TEAD1: variants seen among roughly 807,000 people sequenced by gnomAD.
TEAD1 encodes the protein transcriptional enhancer factor TEF-1.
Under a neutral mutation model 54.9 loss-of-function variants are expected in TEAD1, and 9 were observed. The observed-to-expected ratio is 0.16, with a 90% confidence interval of 0.10 to 0.29. The LOEUF is 0.29. Among genes scored for constraint, TEAD1 ranks in the 10% least tolerant of loss-of-function variants. TEAD1 has a pLI of 1.00. For missense variants in TEAD1, 387 were observed against 535.9 expected (o/e 0.72, Z 2.74); for synonymous variants, 200 against 187.8 (o/e 1.07, Z -0.53).
At position 12,939,722 on chromosome 11, in the gene TEAD1, C is replaced by A. The variant is rs1949142638; in HGVS notation, c.*2500C>A. The A allele has an allele frequency of 6.6e-6, 1 of 152,284 alleles. No homozygotes were observed. Among genetic ancestry groups the A allele is most frequent in the South Asian group, 2.1e-4 (1 of 4,838 alleles). 9.4% of individuals were successfully genotyped at this position (152,284 alleles called of 1,614,324 possible). ...TGAGGTTTACTCCTTGCTCTTACAA[C>A]ATTTCTAAGGATTTTTAAAAGTTTA... On this transcript the variant is annotated 3_prime_UTR_variant, in exon 13 of 13. Coordinates refer to ENST00000527636, the MANE Select transcript of TEAD1 (RefSeq NM_021961.6).
At chr11:12,735,975 C>T (rs78878033) in intron 2 of TEAD1, among the ~76,000 whole-genome samples, 5,948 of 152,270 alleles carry the variant, frequency 0.039, 156 homozygotes, top group Non-Finnish European at 0.054. Context: ...CTCAGTTGGT[C>T]CGACAGAACT....
chr11:12,837,615 C>T (rs754819162), intron 3 of TEAD1, among the ~76,000 whole-genome samples: 20 of 152,088 alleles, frequency 1.3e-4, no homozygotes, highest in Non-Finnish European at 2.5e-4. Flanking sequence ...TGTCCTCACA[C>T]GGCCTTTCCT....
intron 2 of TEAD1, among the ~76,000 whole-genome samples, chr11:12,708,249 C>G (rs1041756198): frequency 6.6e-6 from 1 of 151,524 alleles, no homozygotes; most frequent in Admixed American, 6.6e-5. Context: ...GGCTAAGGAC[C>G]TCTTTGTGGA....
intron 10 of TEAD1, among the ~76,000 whole-genome samples, chr11:12,923,253 T>C (rs1270400929): frequency 6.6e-6 from 1 of 152,068 alleles, no homozygotes; most frequent in African/African-American, 2.4e-5. Flanking sequence ...CCTCTCTCTC[T>C]TGCTTTCTCT....
At chr11:12,878,900 G>T in intron 5 of TEAD1, 1 of 1,286,634 alleles carries the variant, frequency 7.8e-7, no homozygotes, top group Non-Finnish European at 1.0e-6. Context: ...TAACAAGCAT[G>T]GTAAGTATTT....
intron 5 of TEAD1, among the ~76,000 whole-genome samples, chr11:12,874,073 G>A (rs1238405825): frequency 2.0e-5 from 3 of 150,148 alleles, no homozygotes; most frequent in African/African-American, 7.3e-5. Context: ...AAATTACATT[G>A]GAATCCTATC....
At chr11:12,860,364 A>G (rs1443671370) in intron 3 of TEAD1, among the ~76,000 whole-genome samples, 2 of 152,208 alleles carry the variant, frequency 1.3e-5, no homozygotes, top group African/African-American at 4.8e-5. Flanking sequence ...TGGATGACCT[A>G]GGGGTACTTT....
In TEAD1 at chr11:12,938,961, C is replaced by T. The variant is rs1949135318; in HGVS notation, c.*1739C>T. 1 of 152,230 alleles carries T rather than the reference C, an allele frequency of 6.6e-6. No individual in the cohort carries two copies. The highest frequency in any genetic ancestry group is 2.4e-5 in the African/African-American group (1 of 41,462). 9.4% of individuals were successfully genotyped at this position (152,230 alleles called of 1,614,324 possible). A position where few individuals can be genotyped will look rare whatever the true frequency, so the allele number is the denominator to read the frequency against. On this transcript the variant is annotated 3_prime_UTR_variant, in exon 13 of 13. Coordinates refer to ENST00000527636, the MANE Select transcript of TEAD1 (RefSeq NM_021961.6). The stretch of plus-strand genomic sequence containing the variant: ...AGTTCTACCACATCCAATTAACTTA[C>T]ACACCCCCTTCCCTGTCTCAACACC...
intron 12 of TEAD1, among the ~76,000 whole-genome samples, chr11:12,930,918 T>C (rs993320138): frequency 2.6e-5 from 4 of 152,120 alleles, no homozygotes; most frequent in South Asian, 2.1e-4. Flanking sequence ...TAAATTAGAA[T>C]AGAATGCATG....
chr11:12,730,719 G>T (rs1466396058), intron 2 of TEAD1, among the ~76,000 whole-genome samples: 1 of 50,050 alleles, frequency 2.0e-5, no homozygotes, highest in African/African-American at 9.3e-5. Context: ...TTTTTTTTTG[G>T]AGATAGAGTC....
At position 12,887,084 on chromosome 11, in the gene TEAD1, T is replaced by C. The variant is rs1009107573; in HGVS notation, c.699+3959T>C. 6.0e-4 allele frequency among the ~76,000 whole-genome samples: 5 copies of C among 8,392 alleles called. No homozygotes were observed. The South Asian group carries it at 9.9e-3, about 17-fold the overall frequency. The allele number at this position is 8,392 out of a possible 152,430, so 5.5% of individuals were successfully genotyped here. ...AAATGAATGTGGAAGTTTTTTTGTT[T>C]TTTTTTTTGTTTGTTTTTTTTTTTT... On this transcript the variant is annotated intron_variant, in intron 9 of 12. Coordinates refer to ENST00000527636, the MANE Select transcript of TEAD1 (RefSeq NM_021961.6).
chr11:12,743,325 G>A (rs1052919581), intron 2 of TEAD1, among the ~76,000 whole-genome samples: 1 of 152,120 alleles, frequency 6.6e-6, no homozygotes, highest in African/African-American at 2.4e-5. Flanking sequence ...TACGAGGGTG[G>A]CCTGGGCATA....
At chr11:12,754,224 G>T (rs555397813) in intron 2 of TEAD1, among the ~76,000 whole-genome samples, 31 of 152,158 alleles carry the variant, frequency 2.0e-4, no homozygotes, top group Non-Finnish European at 4.1e-4. Flanking sequence ...ATTCAAACAG[G>T]TTCATTTTAT....
At chr11:12,739,468 A>T (rs1944608637) in intron 2 of TEAD1, among the ~76,000 whole-genome samples, 1 of 152,188 alleles carries the variant, frequency 6.6e-6, no homozygotes, top group African/African-American at 2.4e-5. Flanking sequence ...AGCCCTTGTC[A>T]ACCACCATTC....
At chr11:12,751,100 C>T (rs1944860187) in intron 2 of TEAD1, among the ~76,000 whole-genome samples, 1 of 151,946 alleles carries the variant, frequency 6.6e-6, no homozygotes, top group African/African-American at 2.4e-5. Context: ...CGCTTGAGGC[C>T]AGCAGTTTGA....
At chr11:12,732,691 G>C (rs1235164633) in intron 2 of TEAD1, among the ~76,000 whole-genome samples, 2 of 152,338 alleles carry the variant, frequency 1.3e-5, no homozygotes, top group East Asian at 1.9e-4. Flanking sequence ...GAATTCCTTA[G>C]TGGACAGTTG....
At chr11:12,777,072 C>G (rs772359138) in intron 3 of TEAD1, among the ~76,000 whole-genome samples, 1 of 152,046 alleles carries the variant, frequency 6.6e-6, no homozygotes, top group Non-Finnish European at 1.5e-5. Context: ...GGATTACAGG[C>G]GTGAACCACC....
chr11:12,731,328 C>T (rs1439237452), intron 2 of TEAD1, among the ~76,000 whole-genome samples: 2 of 152,126 alleles, frequency 1.3e-5, no homozygotes, highest in Non-Finnish European at 2.9e-5. Context: ...GAAGCAAAAA[C>T]TAAAATTTAG....
chr11:12,760,682 T>A (rs76252923), intron 2 of TEAD1, among the ~76,000 whole-genome samples: 9,764 of 152,160 alleles, frequency 0.064, 992 homozygotes, highest in African/African-American at 0.22. Flanking sequence ...ATCGAGGTAA[T>A]TTGCGTGACA....
Sources: gnomAD v4.1 joint callset for allele counts (sites outside exome capture counted in the v4.1 genomes callset) on GRCh38, gnomAD v4.1.1 for gene constraint, MANE v1.5 for transcripts, NCBI Gene and HGNC (gene_info 2026-07-23, HGNC 2026-07-21) for gene names.